STPG4: variants seen among roughly 807,000 people sequenced by gnomAD.
STPG4 encodes the protein sperm-tail PG-rich repeat containing 4.
In STPG4, 41 loss-of-function variants were observed where a neutral mutation model predicts 31.5. That is an observed-to-expected ratio of 1.30 (90% CI 1.01 to 1.69). The LOEUF is 1.69. STPG4 is among the 40% of genes most tolerant of loss of function. The probability of loss-of-function intolerance (pLI) is 0.00; values close to 1 mark genes in which losing one functional copy is unlikely to be tolerated. For synonymous variants in STPG4, 141 were observed against 103.0 expected (o/e 1.37, Z -2.24); for missense variants, 375 against 293.4 (o/e 1.28, Z -2.03).
At chr2:47,095,744 C>T (rs777384010) in intron 5 of STPG4, among the ~76,000 whole-genome samples, 12 of 152,238 alleles carry the variant, frequency 7.9e-5, no homozygotes, top group Non-Finnish European at 1.6e-4. Context: ...TAACTGGGCT[C>T]ATGTCTACCC....
intron 3 of STPG4, among the ~76,000 whole-genome samples, chr2:47,132,767 T>TTC (rs35681492): frequency 0.014 from 2,050 of 151,704 alleles, 17 homozygotes; most frequent in Non-Finnish European, 0.019. Context: ...TTATGCTTCT[T>TTC]TCTCTCTCTC....
At chr2:47,130,075 C>G (rs537508194) in intron 4 of STPG4, 80 bp from the exon 5 acceptor site, 1 of 1,478,600 alleles carries the variant, frequency 6.8e-7, no homozygotes, top group African/African-American at 1.4e-5. Context: ...CCCTACCTTT[C>G]ATTAAATATT....
intron 3 of STPG4, among the ~76,000 whole-genome samples, chr2:47,141,989 G>T (rs994120751): frequency 6.7e-6 from 1 of 148,712 alleles, no homozygotes; most frequent in African/African-American, 2.5e-5. Flanking sequence ...CAGCCCTTCT[G>T]TGGGCACAAA....
chr2:47,102,233 T>C (rs6722646), intron 5 of STPG4, among the ~76,000 whole-genome samples: 31,117 of 150,148 alleles, frequency 0.21, 3,538 homozygotes, highest in Admixed American at 0.29. Flanking sequence ...CCAGGGACCA[T>C]TGCAGGTTCT....
chr2:47,098,073 G>A (rs1028318814), intron 5 of STPG4, among the ~76,000 whole-genome samples: 1 of 152,064 alleles, frequency 6.6e-6, no homozygotes, highest in Non-Finnish European at 1.5e-5. Context: ...GATGGCAGAT[G>A]TAAACATCTA....
At chr2:47,092,033 A>G (rs1685578636) in intron 5 of STPG4, among the ~76,000 whole-genome samples, 1 of 149,746 alleles carries the variant, frequency 6.7e-6, no homozygotes, top group African/African-American at 2.5e-5. Flanking sequence ...ACAAATGTGC[A>G]TTAAAAAAAC....
intron 5 of STPG4, 180 bp downstream of exon 5, chr2:47,129,760 AC>A (rs1558682873): frequency 4.5e-6 from 3 of 663,414 alleles, no homozygotes; most frequent in Non-Finnish European, 7.4e-6. Flanking sequence ...GCGATCCCAC[AC>A]TTGCTTTTTG....
chr2:47,124,769 C>A (rs1385642849), intron 5 of STPG4, among the ~76,000 whole-genome samples: 4 of 152,152 alleles, frequency 2.6e-5, no homozygotes, highest in African/African-American at 9.7e-5. Flanking sequence ...GATTTCTTTT[C>A]TTTTGGGTAT....
intron 3 of STPG4, among the ~76,000 whole-genome samples, chr2:47,135,940 C>G (rs1032342387): frequency 2.0e-5 from 3 of 152,218 alleles, no homozygotes; most frequent in African/African-American, 7.2e-5. Context: ...CTTTGCTATT[C>G]TCCTTCATCA....
chr2:47,116,064 T>C (rs1409663963), intron 5 of STPG4, among the ~76,000 whole-genome samples: 1 of 152,214 alleles, frequency 6.6e-6, no homozygotes, highest in Admixed American at 6.5e-5. Context: ...TCCCTAAGTG[T>C]TGGGATATAG....
At chr2:47,104,092 T>C (rs1685853957) in intron 5 of STPG4, among the ~76,000 whole-genome samples, 1 of 151,968 alleles carries the variant, frequency 6.6e-6, no homozygotes, top group African/African-American at 2.4e-5. Flanking sequence ...AGCTATTATC[T>C]ACATGAATAT....
intron 5 of STPG4, among the ~76,000 whole-genome samples, chr2:47,098,478 A>T (rs1454268232): frequency 1.3e-5 from 2 of 152,176 alleles, no homozygotes; most frequent in Non-Finnish European, 2.9e-5. Context: ...TCAGGGCTGG[A>T]AAGTATCAGT....
intron 3 of STPG4, among the ~76,000 whole-genome samples, chr2:47,149,977 G>A (rs1006456369): frequency 1.3e-5 from 2 of 152,168 alleles, no homozygotes; most frequent in Non-Finnish European, 2.9e-5. Context: ...CTGGAAAGAG[G>A]ACTAAATTTT....
At chr2:47,110,014 T>C (rs537283158) in intron 5 of STPG4, among the ~76,000 whole-genome samples, 1 of 152,088 alleles carries the variant, frequency 6.6e-6, no homozygotes, top group South Asian at 2.1e-4. Context: ...TTTTAAGAAA[T>C]ACAGAAACGA....
In STPG4 at chr2:47,155,203, G is replaced by A. The variant is rs815804; in HGVS notation, c.49C>T (p.Leu17=). The part of the protein sequence containing the change: ...ATASTSIRED[L]VGGESFITAS... Reference sequence around the variant, plus strand: ...GTGATGAATGATTCTCCACCCACCAGGTCTTCCCTTATTGAGGTGGAAGCG... The same window carrying A: ...GTGATGAATGATTCTCCACCCACCAAGTCTTCCCTTATTGAGGTGGAAGCG... Residue 17 remains leucine, a synonymous_variant, in exon 1 of 7, where the codon CTG becomes TTG. Coordinates refer to ENST00000445927, the MANE Select transcript of STPG4 (RefSeq NM_001163561.2). The A allele has an allele frequency of 5.6e-6, 9 of 1,613,872 alleles. No homozygotes were observed. The highest frequency in any genetic ancestry group is 1.6e-4 in the Middle Eastern group (1 of 6,084).
chr2:47,125,779 G>A (rs1006536486), intron 5 of STPG4, among the ~76,000 whole-genome samples: 3 of 150,998 alleles, frequency 2.0e-5, no homozygotes, highest in Non-Finnish European at 4.4e-5. Flanking sequence ...GGCTGGTCTC[G>A]AATTCCTGGG....
intron 3 of STPG4, among the ~76,000 whole-genome samples, chr2:47,141,544 A>G (rs527354450): frequency 1.1e-4 from 16 of 140,922 alleles, no homozygotes; most frequent in African/African-American, 3.9e-4. Flanking sequence ...GGGCTCTTTG[A>G]GAAGTCCTGC....
chr2:47,140,488 T>C (rs1197782745), intron 3 of STPG4, among the ~76,000 whole-genome samples: 1 of 152,142 alleles, frequency 6.6e-6, no homozygotes, highest in Non-Finnish European at 1.5e-5. Context: ...CAGCAATTCT[T>C]CAGTTGTAGT....
At chr2:47,145,411 T>C (rs1686799796) in intron 3 of STPG4, among the ~76,000 whole-genome samples, 1 of 152,160 alleles carries the variant, frequency 6.6e-6, no homozygotes, top group Non-Finnish European at 1.5e-5. Flanking sequence ...CCCTGAGAGA[T>C]TATAACCATG....
Sources: allele counts gnomAD v4.1 joint callset (sites outside exome capture counted in the v4.1 genomes callset), GRCh38; gene constraint gnomAD v4.1.1; transcripts MANE v1.5; gene names NCBI Gene and HGNC (gene_info 2026-07-23, HGNC 2026-07-21).